EYS: variants seen among roughly 807,000 people sequenced by gnomAD.
EYS encodes the protein EGF-like photoreceptor maintenance factor.
Under a neutral mutation model 282.1 loss-of-function variants are expected in EYS, and 250 were observed. The observed-to-expected ratio is 0.89, with a 90% CI of 0.80 to 0.98. The LOEUF (loss-of-function observed/expected upper bound fraction) is 0.98. EYS is among the 50% of genes least tolerant of loss of function. The pLI is 0.00. For missense variants in EYS, 4,016 were observed against 3,709.0 expected (o/e 1.08, Z -2.15); for synonymous variants, 1,355 against 1,282.9 (o/e 1.06, Z -1.20).
intron 12 of EYS, among the ~76,000 whole-genome samples, chr6:65,187,666 A>G (rs1278481142): frequency 6.6e-6 from 1 of 151,734 alleles, no homozygotes; most frequent in Non-Finnish European, 1.5e-5. Context: ...GTGAAGACTC[A>G]GTAATAAGCA....
intron 2 of EYS, among the ~76,000 whole-genome samples, chr6:65,578,911 C>A (rs114298448): frequency 4.0e-4 from 61 of 151,998 alleles, no homozygotes; most frequent in African/African-American, 1.3e-3. Flanking sequence ...TACAACGTAC[C>A]CCATTCTCTT....
rs569986461 is a variant in EYS at position 64,582,577 on chromosome 6, C to T, written c.5644+7646G>A. Among the ~76,000 whole-genome samples the T allele has an allele frequency of 2.3e-5, 3 of 132,580 alleles. No individual in the cohort carries two copies. The South Asian group carries it at 8.0e-4, about 35-fold the overall frequency. The allele number at this position is 132,580 out of a possible 152,430, so 87.0% of individuals were successfully genotyped here. ...GGCCTGCAGGCTATAGTTTGCCAAT[C>T]CTTGGTCTTTTTTTTTTTTTTTGCT... On this transcript the variant is annotated intron_variant, in intron 26 of 42. Transcript: ENST00000503581.
intron 29 of EYS, among the ~76,000 whole-genome samples, chr6:64,310,649 C>T (rs551466538): frequency 1.3e-3 from 195 of 152,196 alleles, no homozygotes; most frequent in Middle Eastern, 3.4e-3. Context: ...AGGCTTAATA[C>T]CTCAATGATG....
chr6:64,316,278 GTC>G (rs1490068896), intron 29 of EYS, among the ~76,000 whole-genome samples: 1 of 152,108 alleles, frequency 6.6e-6, no homozygotes, highest in African/African-American at 2.4e-5. Context: ...GAGTCAAATT[GTC>G]TCTGTTTGCA....
chr6:63,868,634 C>G (rs1422150302), intron 35 of EYS, among the ~76,000 whole-genome samples: 1 of 152,164 alleles, frequency 6.6e-6, no homozygotes. Flanking sequence ...TAACCCATCT[C>G]TATGTATCGG....
chr6:65,353,948 C>A (rs868341289), intron 8 of EYS, among the ~76,000 whole-genome samples: 2 of 151,892 alleles, frequency 1.3e-5, no homozygotes, highest in Admixed American at 1.3e-4. Context: ...TTAAGAGATA[C>A]ACCATTTAAA....
chr6:63,796,349 G>A (rs1436406608), intron 37 of EYS, among the ~76,000 whole-genome samples: 1 of 152,114 alleles, frequency 6.6e-6, no homozygotes, highest in African/African-American at 2.4e-5. Flanking sequence ...GGCATATTGG[G>A]ACTCTAAAAC....
chr6:64,691,616 T>C (rs923956303), intron 22 of EYS, among the ~76,000 whole-genome samples: 22 of 152,102 alleles, frequency 1.4e-4, no homozygotes, highest in African/African-American at 4.8e-4. Context: ...GTAGTGAGCA[T>C]AGTACCCTAT....
intron 41 of EYS, among the ~76,000 whole-genome samples, chr6:63,753,945 C>T (rs561680781): frequency 3.3e-5 from 5 of 149,666 alleles, no homozygotes; most frequent in Middle Eastern, 3.4e-3. Flanking sequence ...TCAAGTCTTA[C>T]CCATCCTTTG....
intron 30 of EYS, among the ~76,000 whole-genome samples, chr6:64,270,192 T>C (rs1767894882): frequency 6.6e-6 from 1 of 152,184 alleles, no homozygotes; most frequent in Admixed American, 6.6e-5. Context: ...TTATATGCAC[T>C]ACTCTGTTTT....
At chr6:64,631,910 T>G (rs982607139) in intron 22 of EYS, among the ~76,000 whole-genome samples, 1 of 152,034 alleles carries the variant, frequency 6.6e-6, no homozygotes, top group African/African-American at 2.4e-5. Context: ...ATACATTCAC[T>G]AAATTCTTAT....
intron 28 of EYS, among the ~76,000 whole-genome samples, chr6:64,414,560 A>G (rs1774006369): frequency 6.6e-6 from 1 of 152,168 alleles, no homozygotes; most frequent in Non-Finnish European, 1.5e-5. Context: ...CATTGCTAGG[A>G]GCCATAAAGT....
chr6:64,408,903 A>T lies in EYS; in HGVS notation c.5928-20063T>A, dbSNP rs918176432. Among the ~76,000 whole-genome samples, 26 of 152,154 alleles carry T rather than the reference A, an allele frequency of 1.7e-4. 1 individual carries two copies. The highest frequency in any genetic ancestry group is 1.5e-5 in the Non-Finnish European group (1 of 68,036). ...CAAATGACTTTGTCACCCAGGTAAT[A>T]ATCATACAAACCAATAGGAAGATTT... On this transcript the variant is annotated intron_variant, in intron 28 of 42. Coordinates refer to ENST00000503581, the MANE Select transcript of EYS (RefSeq NM_001142800.2).
chr6:64,574,240 C>T (rs879849188), intron 26 of EYS, among the ~76,000 whole-genome samples: 1 of 152,000 alleles, frequency 6.6e-6, no homozygotes, highest in Non-Finnish European at 1.5e-5. Flanking sequence ...AACACAGGGA[C>T]ACAGGGAGAC....
intron 33 of EYS, among the ~76,000 whole-genome samples, chr6:64,059,443 A>G (rs546074092): frequency 1.3e-5 from 2 of 152,300 alleles, no homozygotes; most frequent in African/African-American, 2.4e-5. Context: ...TTAAACATCA[A>G]ACTGGCTGGT....
At chr6:65,302,008 TTTTG>T (rs1270141059) in intron 11 of EYS, among the ~76,000 whole-genome samples, 1 of 152,278 alleles carries the variant, frequency 6.6e-6, no homozygotes, top group Non-Finnish European at 1.5e-5. Flanking sequence ...AACTGATTTT[TTTTG>T]TTTTTCAGAT....
intron 31 of EYS, among the ~76,000 whole-genome samples, chr6:64,094,149 C>T (rs573971004): frequency 3.9e-5 from 6 of 152,212 alleles, no homozygotes; most frequent in South Asian, 2.1e-4. Flanking sequence ...CTGCTGGATT[C>T]GGTTTGCCAG....
intron 12 of EYS, among the ~76,000 whole-genome samples, chr6:65,274,418 G>A (rs1582089291): frequency 6.6e-6 from 1 of 152,264 alleles, no homozygotes; most frequent in African/African-American, 2.4e-5. Context: ...AATCCCAATT[G>A]CAGCTGCTGT....
At chr6:65,519,893 T>A (rs9453316) in intron 2 of EYS, among the ~76,000 whole-genome samples, 11 of 81,690 alleles carry the variant, frequency 1.3e-4, no homozygotes, top group African/African-American at 4.7e-4. Context: ...ATTTTTCTAT[T>A]TTTTTTTTTT....
Sources: allele counts gnomAD v4.1 joint callset (sites outside exome capture counted in the v4.1 genomes callset), GRCh38; gene constraint gnomAD v4.1.1; transcripts MANE v1.5; gene names NCBI Gene and HGNC (gene_info 2026-07-23, HGNC 2026-07-21).